The following FAM178B variants were observed in gnomAD, a reference collection of about 807,000 sequenced individuals.
FAM178B encodes the protein family with sequence similarity 178 member B, also known as protein FAM178B.
FAM178B carries 82 observed loss-of-function variants against 91.7 expected under a neutral mutation model. The ratio of observed to expected loss-of-function variants is 0.89; its 90% CI spans 0.75 to 1.07. The LOEUF is 1.07. Among genes scored for constraint, FAM178B ranks in the 50% least tolerant of loss-of-function variants. The pLI, the probability that FAM178B is intolerant of heterozygous loss-of-function variation, is 0.00. For missense variants in FAM178B, 769 were observed against 846.7 expected (o/e 0.91, Z 1.14); for synonymous variants, 368 against 359.4 (o/e 1.02, Z -0.27).
At chr2:96,903,201 G>A (rs1001711801) in intron 12 of FAM178B, among the ~76,000 whole-genome samples, 15 of 152,140 alleles carry the variant, frequency 9.9e-5, no homozygotes, top group Non-Finnish European at 1.8e-4. Context: ...CACCATGCAC[G>A]GCTGATTTTT....
At chr2:96,978,816 G>A (rs1347745953) in intron 1 of FAM178B, among the ~76,000 whole-genome samples, 2 of 151,686 alleles carry the variant, frequency 1.3e-5, no homozygotes, top group South Asian at 2.1e-4. Flanking sequence ...TAGCAGGGAC[G>A]GGGTTTCACC....
chr2:96,931,805 A>C lies in FAM178B; in HGVS notation c.1079-2485T>G, dbSNP rs2081544131. 4.0e-5 allele frequency among the ~76,000 whole-genome samples: 6 copies of C among 151,690 alleles called. No individual in the cohort carries two copies. The South Asian group carries it at 1.0e-3, about 26-fold the overall frequency. ...TGGAAATGTATATGGGTTGAGACTC[A>C]CCAAACAAGTAATTAGACTCTTGGA... is the stretch of plus-strand genomic sequence containing the variant. On this transcript the variant is annotated intron_variant, in intron 8 of 16. Coordinates refer to ENST00000490605, the MANE Select transcript of FAM178B (RefSeq NM_001122646.3).
rs938859211 is a variant in FAM178B, at chr2:96,878,435, T to A, written c.1835A>T (p.Asp612Val). 1.5e-5 allele frequency: 25 copies of A among 1,613,872 alleles called. No homozygotes were observed. Among genetic ancestry groups the A allele is most frequent in the Non-Finnish European group, 2.1e-5 (25 of 1,180,020 alleles). The change falls in exon 15 of 17, where the codon GAC becomes GTC. Residue 612 changes from aspartate (D) to valine (V), a missense_variant. By Grantham distance (152) the Asp-to-Val change is radical. Coordinates refer to ENST00000490605, the MANE Select transcript of FAM178B (RefSeq NM_001122646.3). Reference sequence around the variant, plus strand: ...ACTCACCCACTGGTCTGGAGTGATGTCCTGGCAGCTAACAACTACCCCGGC... The same window carrying A: ...ACTCACCCACTGGTCTGGAGTGATGACCTGGCAGCTAACAACTACCCCGGC... ...MLAGVVVSCQ[D>V]ITPDQWGELQ...
chr2:96,900,152 A>G (rs1310018177), intron 13 of FAM178B, among the ~76,000 whole-genome samples: 2 of 151,330 alleles, frequency 1.3e-5, no homozygotes, highest in Non-Finnish European at 2.9e-5. Context: ...TCTGGCCTCC[A>G]CTCTGCGCTG....
At chr2:96,967,498 G>A (rs1325280326) in intron 5 of FAM178B, 22 bp downstream of exon 5, 1 of 1,483,844 alleles carries the variant, frequency 6.7e-7, no homozygotes, top group East Asian at 2.5e-5. Flanking sequence ...TCGGAGGCTG[G>A]TGCCAGGCCC....
intron 16 of FAM178B, among the ~76,000 whole-genome samples, chr2:96,876,974 A>C (rs1442675996): frequency 6.6e-6 from 1 of 152,108 alleles, no homozygotes; most frequent in East Asian, 1.9e-4. Flanking sequence ...ACATTCACAC[A>C]AGCTGCCTGC....
rs753570962 is a variant in FAM178B, at chr2:96,878,039, C to T, written c.1858G>A (p.Glu620Lys). 1.7e-5 allele frequency: 27 copies of T among 1,609,030 alleles called. No homozygotes were observed. The East Asian group carries it at 4.2e-4, about 25-fold the overall frequency. Residue 620 changes from glutamate (E) to lysine (K), a missense_variant, in exon 16 of 17, where the codon GAG becomes AAG. Coordinates refer to ENST00000490605, the MANE Select transcript of FAM178B (RefSeq NM_001122646.3). Reference sequence around the variant, plus strand: ...AACTGCATGCACAGCAGCTGCAGCTCGCCCTGTGGAGGCGGAGGGAGGCCA... The same window carrying T: ...AACTGCATGCACAGCAGCTGCAGCTTGCCCTGTGGAGGCGGAGGGAGGCCA... ...CQDITPDQWGELQLLCMQLDR... is the reference protein window; with the variant it reads ...CQDITPDQWGKLQLLCMQLDR...
At chr2:96,905,830 A>ATG (rs2081024977) in intron 12 of FAM178B, among the ~76,000 whole-genome samples, 4 of 20,432 alleles carry the variant, frequency 2.0e-4, no homozygotes, top group Admixed American at 4.6e-4. Context: ...ATATATATAT[A>ATG]TATATATATA....
intron 7 of FAM178B, chr2:96,950,089 G>A (rs1021647765): frequency 2.0e-6 from 2 of 985,478 alleles, no homozygotes; most frequent in African/African-American, 1.7e-5. Flanking sequence ...CCAGGATGGG[G>A]GTCTCTGAAC....
chr2:96,934,069 T>C (rs2081586216), intron 8 of FAM178B, among the ~76,000 whole-genome samples: 1 of 152,252 alleles, frequency 6.6e-6, no homozygotes, highest in African/African-American at 2.4e-5. Flanking sequence ...ACTCAGCAAA[T>C]GGCAAGCAAA....
chr2:96,975,557 G>A (rs1450472283), intron 1 of FAM178B, among the ~76,000 whole-genome samples: 1 of 152,054 alleles, frequency 6.6e-6, no homozygotes, highest in Non-Finnish European at 1.5e-5. Flanking sequence ...TTGTCTTTTT[G>A]CTCAAAACAT....
chr2:96,942,930 C>T (rs1457223590), intron 8 of FAM178B, among the ~76,000 whole-genome samples: 1 of 152,136 alleles, frequency 6.6e-6, no homozygotes, highest in African/African-American at 2.4e-5. Context: ...GGTGCTGAGA[C>T]AACTGGATAT....
chr2:96,928,476 C>T (rs748475930), intron 9 of FAM178B, among the ~76,000 whole-genome samples: 7 of 152,096 alleles, frequency 4.6e-5, no homozygotes, highest in Admixed American at 3.9e-4. Context: ...CAAGTCAGCC[C>T]GGGGCTCAAC....
At chr2:96,908,287 G>A (rs754529783) in intron 12 of FAM178B, among the ~76,000 whole-genome samples, 5 of 152,212 alleles carry the variant, frequency 3.3e-5, no homozygotes, top group Non-Finnish European at 5.9e-5. Context: ...TGAGGAACCC[G>A]TCTATATATA....
Position 96,971,988 on chromosome 2 carries a change from C to G in FAM178B, c.477G>C (p.Leu159=). ...CCAGGCCCCTCTTCGGGTCCAAGTCCAGGTGTTCCTGCTCCAACTCCTCGG... is the reference window on the plus strand; with the variant it reads ...CCAGGCCCCTCTTCGGGTCCAAGTCGAGGTGTTCCTGCTCCAACTCCTCGG... ...ELPEELEQEH[L]DLDPKRGLAL... The change falls in exon 3 of 17, where the codon CTG becomes CTC. Residue 159 remains leucine, a synonymous_variant. Transcript: ENST00000490605. 6.4e-7 allele frequency: 1 copy of G among 1,562,596 alleles called. No individual in the cohort carries two copies.
rs116223018 is a variant in FAM178B at position 96,932,508 on chromosome 2, G to A, written c.1079-3188C>T. 3.7e-3 allele frequency among the ~76,000 whole-genome samples: 557 copies of A among 152,340 alleles called. 5 individuals carry two copies. Among genetic ancestry groups the A allele is most frequent in the African/African-American group, 0.012 (505 of 41,562 alleles). On this transcript the variant is annotated intron_variant, in intron 8 of 16. Transcript: ENST00000490605. ...TGAGCTCTGTTTGTCCCCGATGAGG[G>A]CTTTCTGGAGAGCTGACACAGAGGA...
At chr2:96,950,261 G>A (rs2081903157) in intron 7 of FAM178B, among the ~76,000 whole-genome samples, 1 of 152,230 alleles carries the variant, frequency 6.6e-6, no homozygotes, top group Non-Finnish European at 1.5e-5. Context: ...TGCACCGCCA[G>A]CGTGGGGAAT....
intron 8 of FAM178B, among the ~76,000 whole-genome samples, chr2:96,940,830 T>A (rs2081717220): frequency 6.6e-6 from 1 of 152,248 alleles, no homozygotes; most frequent in South Asian, 2.1e-4. Flanking sequence ...ATAAGTTTTT[T>A]TAAAGACGGA....
intron 1 of FAM178B, chr2:96,977,967 C>T (rs1389455573): frequency 1.6e-5 from 7 of 449,248 alleles, no homozygotes; most frequent in Admixed American, 7.1e-5. Context: ...GGGGGGCGAC[C>T]GGCAAGAGGG....
Sources: allele counts gnomAD v4.1 joint callset (sites outside exome capture counted in the v4.1 genomes callset), GRCh38; gene constraint gnomAD v4.1.1; transcripts MANE v1.5; gene names NCBI Gene and HGNC (gene_info 2026-07-23, HGNC 2026-07-21).